RBFOX1: variants seen among roughly 807,000 people sequenced by gnomAD.
The protein encoded by RBFOX1 is RNA binding fox-1 homolog 1.
Under a neutral mutation model 57.7 loss-of-function variants are expected in RBFOX1, and 8 were observed. The ratio of observed to expected loss-of-function variants is 0.14; its 90% CI spans 0.08 to 0.25. The LOEUF is 0.25. Among genes scored for constraint, RBFOX1 ranks in the 10% least tolerant of loss-of-function variants. The pLI, the probability that RBFOX1 is intolerant of heterozygous loss-of-function variation, is 1.00. For missense variants in RBFOX1, 611 were observed against 548.5 expected, an observed-to-expected ratio of 1.11 and a Z score of -1.14; for synonymous variants, 326 against 222.4, an observed-to-expected ratio of 1.47 and a Z score of -4.15.
chr16:6,545,623 C>G (rs1160350398), intron 2 of RBFOX1, among the ~76,000 whole-genome samples: 1 of 152,232 alleles, frequency 6.6e-6, no homozygotes, highest in Non-Finnish European at 1.5e-5. Context: ...TCTCACTGTA[C>G]TAATTGCAGA....
At chr16:5,920,467 A>T (rs1276459448) in intron 4 of RBFOX1, among the ~76,000 whole-genome samples, 1 of 152,110 alleles carries the variant, frequency 6.6e-6, no homozygotes, top group Non-Finnish European at 1.5e-5. Flanking sequence ...GTGTATACCT[A>T]GGAGTGGAAT....
At chr16:6,061,602 A>C (rs1212723233) in intron 1 of RBFOX1, among the ~76,000 whole-genome samples, 2 of 151,804 alleles carry the variant, frequency 1.3e-5, no homozygotes, top group East Asian at 3.9e-4. Context: ...ACTATAATAA[A>C]ATTAAGTATA....
intron 4 of RBFOX1, among the ~76,000 whole-genome samples, chr16:7,312,069 A>G (rs946376299): frequency 1.3e-5 from 2 of 152,164 alleles, no homozygotes; most frequent in Admixed American, 1.3e-4. Flanking sequence ...TGAGCAGCCT[A>G]TAGATGTTTG....
chr16:7,362,391 G>A (rs556739878), intron 4 of RBFOX1, among the ~76,000 whole-genome samples: 2 of 151,748 alleles, frequency 1.3e-5, no homozygotes, highest in African/African-American at 4.8e-5. Flanking sequence ...GTTAATGTGT[G>A]TGTGATTGTG....
At chr16:7,435,909 A>C (rs1318702621) in intron 4 of RBFOX1, among the ~76,000 whole-genome samples, 1 of 152,190 alleles carries the variant, frequency 6.6e-6, no homozygotes, top group Non-Finnish European at 1.5e-5. Flanking sequence ...GAAATGACCA[A>C]AGCAGGCAGC....
intron 4 of RBFOX1, among the ~76,000 whole-genome samples, chr16:5,945,859 C>T (rs993088337): frequency 6.6e-6 from 1 of 152,160 alleles, no homozygotes; most frequent in African/African-American, 2.4e-5. Flanking sequence ...TCTACTCCAT[C>T]CATCAGTATT....
rs1397175371 is a variant in RBFOX1, at chr16:7,182,147, A to G, written c.27+130049A>G. ...GTAGTTGTCTCATAAAATGAAACCT[A>G]TTAGGTATCTTTGACCTAGTTACCT... On this transcript the variant is annotated intron_variant, in intron 4 of 15. Coordinates refer to ENST00000550418, the MANE Select transcript of RBFOX1 (RefSeq NM_018723.4). Among the ~76,000 whole-genome samples the G allele has an allele frequency of 3.3e-5, 5 of 152,196 alleles. No individual in the cohort carries two copies. The East Asian group carries it at 5.8e-4, about 18-fold the overall frequency.
intron 5 of RBFOX1, among the ~76,000 whole-genome samples, chr16:7,528,239 C>T (rs987243176): frequency 1.3e-5 from 2 of 152,222 alleles, no homozygotes; most frequent in Non-Finnish European, 2.9e-5. Flanking sequence ...TGACAAGTTT[C>T]ATCGTGACTT....
At chr16:5,305,652 G>A (rs2063914901) in intron 1 of RBFOX1, among the ~76,000 whole-genome samples, 3 of 152,164 alleles carry the variant, frequency 2.0e-5, no homozygotes, top group Non-Finnish European at 4.4e-5. Flanking sequence ...TGCTGAAGAA[G>A]AAATGGGAAA....
intron 1 of RBFOX1, among the ~76,000 whole-genome samples, chr16:6,251,097 C>G (rs145602404): frequency 2.6e-4 from 40 of 152,208 alleles, no homozygotes; most frequent in African/African-American, 9.1e-4. Flanking sequence ...CATGATATAG[C>G]CATTGTGTTC....
intron 3 of RBFOX1, among the ~76,000 whole-genome samples, chr16:6,789,341 C>T (rs1482621469): frequency 6.6e-6 from 1 of 152,098 alleles, no homozygotes; most frequent in African/African-American, 2.4e-5. Flanking sequence ...TGGTGAGTTT[C>T]CGCTTTGAGA....
chr16:6,796,500 ACT>A lies in RBFOX1; in HGVS notation c.-16+141853_-16+141854del, dbSNP rs370937558. 7.9e-5 allele frequency among the ~76,000 whole-genome samples: 12 copies of A among 152,206 alleles called. 1 individual carries two copies. The highest frequency in any genetic ancestry group is 2.9e-4 in the African/African-American group (12 of 41,532). On this transcript the variant is annotated intron_variant, in intron 3 of 15. Coordinates refer to ENST00000550418, the MANE Select transcript of RBFOX1 (RefSeq NM_018723.4). Reference sequence around the variant, plus strand: ...TATCATTTTCCATTTTCAATAAATAACTCTTTCATCCACTGTAAATAACAGAA... The same window carrying A: ...TATCATTTTCCATTTTCAATAAATAACTTTCATCCACTGTAAATAACAGAA...
rs2090568440 is a variant in RBFOX1 at position 7,562,300 on chromosome 16, G to A, written c.271-17477G>A. On this transcript the variant is annotated intron_variant, in intron 5 of 15. Coordinates refer to ENST00000550418, the MANE Select transcript of RBFOX1 (RefSeq NM_018723.4). ...AGCAGGATGGGAAAGAGCTGTTGGT[G>A]AGAATGCATTAGGGTACCTGCCGCC... Among the ~76,000 whole-genome samples the A allele has an allele frequency of 1.3e-5, 2 of 152,164 alleles. 1 individual carries two copies. The highest frequency in any genetic ancestry group is 4.1e-4 in the South Asian group (2 of 4,824).
chr16:6,454,551 C>A (rs1245540574), intron 2 of RBFOX1, among the ~76,000 whole-genome samples: 1 of 152,054 alleles, frequency 6.6e-6, no homozygotes, highest in African/African-American at 2.4e-5. Flanking sequence ...GAGTGAGACA[C>A]CTTCTCAAAA....
chr16:5,549,181 C>T (rs184413591), intron 2 of RBFOX1, among the ~76,000 whole-genome samples: 138 of 152,174 alleles, frequency 9.1e-4, no homozygotes, highest in Non-Finnish European at 1.6e-3. Context: ...CTGAGGCAGC[C>T]ATGAGCAAGT....
At chr16:5,903,999 A>T (rs1033708587) in intron 4 of RBFOX1, among the ~76,000 whole-genome samples, 4 of 152,144 alleles carry the variant, frequency 2.6e-5, no homozygotes, top group Admixed American at 2.0e-4. Flanking sequence ...AATAGAATGG[A>T]GATGAATGTA....
At chr16:5,454,950 C>T (rs200041185) in intron 1 of RBFOX1, among the ~76,000 whole-genome samples, 5,152 of 41,124 alleles carry the variant, frequency 0.13, 306 homozygotes, top group East Asian at 0.23. Flanking sequence ...TTCCTTCCTT[C>T]CTTCCTTCCT....
At chr16:7,312,018 A>G (rs1445244220) in intron 4 of RBFOX1, among the ~76,000 whole-genome samples, 1 of 152,210 alleles carries the variant, frequency 6.6e-6, no homozygotes, top group African/African-American at 2.4e-5. Flanking sequence ...ATATTAAGTA[A>G]GATGCAAATG....
chr16:5,333,929 A>T (rs1050518353), intron 1 of RBFOX1, among the ~76,000 whole-genome samples: 1 of 152,214 alleles, frequency 6.6e-6, no homozygotes, highest in Non-Finnish European at 1.5e-5. Flanking sequence ...AGATGTCTGA[A>T]ACAGCATTAT....
Sources: allele counts gnomAD v4.1 joint callset (sites outside exome capture counted in the v4.1 genomes callset), GRCh38; gene constraint gnomAD v4.1.1; transcripts MANE v1.5; gene names NCBI Gene and HGNC (gene_info 2026-07-23, HGNC 2026-07-21).